STK31: variants seen among roughly 807,000 people sequenced by gnomAD.
STK31 encodes the protein serine/threonine kinase 31, also known as serine/threonine-protein kinase 31.
Under a neutral mutation model 129.7 loss-of-function variants are expected in STK31, and 89 were observed. The ratio of observed to expected loss-of-function variants is 0.69; its 90% CI spans 0.58 to 0.82. STK31 has a LOEUF of 0.82. STK31 is among the 40% of genes least tolerant of loss of function. The pLI is 0.00. For missense variants in STK31, 1,187 were observed against 1,176.4 expected (o/e 1.01, Z -0.13); for synonymous variants, 448 against 395.3 (o/e 1.13, Z -1.58).
intron 23 of STK31, among the ~76,000 whole-genome samples, chr7:23,826,176 C>T (rs1301687123): frequency 3.9e-5 from 6 of 152,216 alleles, no homozygotes; most frequent in East Asian, 3.9e-4. Context: ...TCTTGTTGGT[C>T]TGCCTAATGT....
intron 6 of STK31, among the ~76,000 whole-genome samples, chr7:23,730,758 T>TA (rs1179339118): frequency 2.0e-5 from 3 of 150,124 alleles, no homozygotes; most frequent in African/African-American, 4.9e-5. Flanking sequence ...AAAAAGACAT[T>TA]AAAAAAAGTT....
intron 4 of STK31, among the ~76,000 whole-genome samples, chr7:23,720,428 C>T (rs1273642350): frequency 2.0e-5 from 3 of 152,142 alleles, no homozygotes; most frequent in African/African-American, 7.2e-5. Context: ...AGGTGGCCAT[C>T]ACTCATGCTC....
At chr7:23,830,998 T>C (rs1794511983) in intron 23 of STK31, among the ~76,000 whole-genome samples, 1 of 152,170 alleles carries the variant, frequency 6.6e-6, no homozygotes, top group South Asian at 2.1e-4. Flanking sequence ...TGATACTGGA[T>C]ATGATTTTAA....
intron 3 of STK31, among the ~76,000 whole-genome samples, chr7:23,713,806 C>T (rs1786124517): frequency 6.6e-6 from 1 of 151,960 alleles, no homozygotes; most frequent in Non-Finnish European, 1.5e-5. Flanking sequence ...CTTGAGGCGG[C>T]TGTACAGTTA....
intron 9 of STK31, among the ~76,000 whole-genome samples, chr7:23,753,944 A>G (rs547322443): frequency 6.6e-6 from 1 of 152,194 alleles, no homozygotes. Flanking sequence ...TCTCTTAGAC[A>G]TTGTAAATTA....
intron 15 of STK31, among the ~76,000 whole-genome samples, chr7:23,776,922 G>A (rs926913560): frequency 5.9e-5 from 9 of 151,926 alleles, no homozygotes; most frequent in African/African-American, 1.9e-4. Context: ...TTAGGGTGTC[G>A]ATTTTAGATC....
chr7:23,761,792 G>C (rs7791410), intron 10 of STK31, among the ~76,000 whole-genome samples: 14,784 of 137,414 alleles, frequency 0.11, 1,821 homozygotes, highest in Middle Eastern at 0.16. Context: ...ATCTGGTTGA[G>C]CTTATGCAAG....
intron 22 of STK31, among the ~76,000 whole-genome samples, chr7:23,796,890 A>G (rs993123142): frequency 6.6e-6 from 1 of 152,134 alleles, no homozygotes; most frequent in Non-Finnish European, 1.5e-5. Context: ...AGACACACAT[A>G]GGCTCAAAAT....
chr7:23,752,995 CT>C (rs1387747150), intron 9 of STK31, among the ~76,000 whole-genome samples, 163 bp downstream of exon 9: 1 of 152,124 alleles, frequency 6.6e-6, no homozygotes, highest in African/African-American at 2.4e-5. Context: ...GAATTTTATA[CT>C]GTTTTTGTCA....
intron 4 of STK31, among the ~76,000 whole-genome samples, chr7:23,718,471 A>G (rs1786486803): frequency 2.0e-5 from 3 of 152,082 alleles, no homozygotes; most frequent in Admixed American, 1.3e-4. Flanking sequence ...ATCATTTCAG[A>G]AAATTCCTTC....
intron 22 of STK31, among the ~76,000 whole-genome samples, chr7:23,805,924 G>GT (rs1474966358): frequency 2.0e-5 from 3 of 152,232 alleles, no homozygotes; most frequent in Non-Finnish European, 2.9e-5. Context: ...TAACAAGCAT[G>GT]TGAGGGAGTA....
At chr7:23,712,741 T>A (rs928762782) in intron 3 of STK31, among the ~76,000 whole-genome samples, 1 of 150,768 alleles carries the variant, frequency 6.6e-6, no homozygotes, top group African/African-American at 2.4e-5. Context: ...GAATGAAACA[T>A]TTCTGATTTT....
Position 23,769,646 on chromosome 7 carries a change from G to T in STK31, c.1603G>T (p.Asp535Tyr). 1 of 1,604,084 alleles carries T rather than the reference G, an allele frequency of 6.2e-7. No individual in the cohort carries two copies. The highest frequency in any genetic ancestry group is 1.1e-5 in the South Asian group (1 of 89,150). The stretch of plus-strand genomic sequence containing the variant: ...GTTTATTTTTGCAAATGAGGTTTTT[G>T]ACCTATCTGTGGAAGGATCACTGAT... Reference protein sequence around the residue: ...AWFQRTLKVFDLSVEGSLISE... With the variant: ...AWFQRTLKVFYLSVEGSLISE... Residue 535 changes from aspartate to tyrosine, a missense_variant, in exon 13 of 24, where the codon GAC (aspartate) becomes TAC (tyrosine). Around this residue, in one of 5 missense-constraint regions of STK31, gnomAD observed 975 missense variants for 934.9 expected, o/e 1.04. Coordinates refer to ENST00000355870, the MANE Select transcript of STK31 (RefSeq NM_031414.5).
chr7:23,740,907 G>T (rs1159447702), intron 8 of STK31, among the ~76,000 whole-genome samples: 23 of 152,134 alleles, frequency 1.5e-4, no homozygotes, highest in African/African-American at 2.4e-5. Flanking sequence ...AGTTTGTTCA[G>T]TAAAGGCAAG....
At chr7:23,710,847 A>G in intron 1 of STK31, 5 of 959,800 alleles carry the variant, frequency 5.2e-6, no homozygotes, top group Non-Finnish European at 6.2e-6. Flanking sequence ...TTTCCAAAGT[A>G]ATTTTAACTT....
At chr7:23,799,655 A>G (rs1472973470) in intron 22 of STK31, among the ~76,000 whole-genome samples, 1 of 152,234 alleles carries the variant, frequency 6.6e-6, no homozygotes, top group East Asian at 1.9e-4. Flanking sequence ...AACCTAGGTA[A>G]TACCATTTAG....
At chr7:23,785,047 T>C (rs1791181195) in intron 17 of STK31, among the ~76,000 whole-genome samples, 1 of 152,208 alleles carries the variant, frequency 6.6e-6, no homozygotes, top group African/African-American at 2.4e-5. Flanking sequence ...GGATAAGTTC[T>C]TTAGTGGTGA....
At chr7:23,760,552 T>C (rs1789402670) in intron 10 of STK31, among the ~76,000 whole-genome samples, 1 of 152,220 alleles carries the variant, frequency 6.6e-6, no homozygotes, top group Non-Finnish European at 1.5e-5. Flanking sequence ...TTTTCTTACA[T>C]TAACTTTTAA....
In STK31 at chr7:23,820,657, C is replaced by T. The variant is rs1255211295; in HGVS notation, c.2829+5445C>T. Among the ~76,000 whole-genome samples, 5 of 152,138 alleles carry T rather than the reference C, an allele frequency of 3.3e-5. No homozygotes were observed. The South Asian group carries it at 1.0e-3, about 32-fold the overall frequency. On this transcript the variant is annotated intron_variant, in intron 23 of 23. Coordinates refer to ENST00000355870, the MANE Select transcript of STK31 (RefSeq NM_031414.5). ...CTGGTTGTTTGTACCCATTAAACAA[C>T]TCTCTTCACCCCCTTCCACCTCACC... is the stretch of plus-strand genomic sequence containing the variant.
Sources: allele counts gnomAD v4.1 joint callset (sites outside exome capture counted in the v4.1 genomes callset), GRCh38; gene constraint gnomAD v4.1.1; regional missense constraint gnomAD v4.1.1; transcripts MANE v1.5; gene names NCBI Gene and HGNC (gene_info 2026-07-23, HGNC 2026-07-21).